The following MOBP variants were observed in gnomAD, a reference collection of about 807,000 sequenced individuals.
MOBP encodes the protein myelin-associated oligodendrocyte basic protein.
MOBP carries 5 observed loss-of-function variants against 15.0 expected under a neutral mutation model. The observed-to-expected ratio is 0.33, with a 90% CI of 0.17 to 0.70. The LOEUF (loss-of-function observed/expected upper bound fraction) is 0.70, where lower values mean the gene tolerates loss of function less well. Ranked by LOEUF, MOBP falls within the 30% of genes least tolerant of loss-of-function variation. MOBP has a pLI of 0.67. For missense variants in MOBP, 188 were observed against 257.8 expected (o/e 0.73, Z 1.85); for synonymous variants, 88 against 99.0 (o/e 0.89, Z 0.66).
At chr3:39,501,257 G>T (rs891763290) in intron 2 of MOBP, among the ~76,000 whole-genome samples, 1 of 152,204 alleles carries the variant, frequency 6.6e-6, no homozygotes, top group Non-Finnish European at 1.5e-5. Flanking sequence ...CCCTGAGTTT[G>T]TTGAGAGCAG....
intron 2 of MOBP, among the ~76,000 whole-genome samples, chr3:39,483,394 T>C (rs2042654603): frequency 6.6e-6 from 1 of 152,064 alleles, no homozygotes. Context: ...GGGAATAGGG[T>C]GGTCAGCAAT....
chr3:39,520,615 G>T (rs546330064), downstream of MOBP, among the ~76,000 whole-genome samples: 7 of 151,994 alleles, frequency 4.6e-5, no homozygotes, highest in Non-Finnish European at 7.4e-5. Context: ...AGAGAAGAGA[G>T]AGACAGAGGA....
At chr3:39,519,216 G>A (rs867176711), downstream of MOBP, among the ~76,000 whole-genome samples, 17 of 152,116 alleles carry the variant, frequency 1.1e-4, no homozygotes, top group African/African-American at 1.2e-4. Context: ...TTCACCCTGC[G>A]TTTCTTGAAT....
At position 39,469,203 on chromosome 3, in the gene MOBP, T is replaced by TAC. The variant is rs1470682667; in HGVS notation, c.-89+1465_-89+1466dup. Among the ~76,000 whole-genome samples the TAC allele has an allele frequency of 4.7e-4, 47 of 99,256 alleles. 6 individuals are homozygous for TAC. Among genetic ancestry groups the TAC allele is most frequent in the Non-Finnish European group, 8.1e-4 (41 of 50,540 alleles). 65.1% of individuals were successfully genotyped at this position (99,256 alleles called of 152,430 possible). A position where few individuals can be genotyped will look rare whatever the true frequency, so the allele number is the denominator to read the frequency against. On this transcript the variant is annotated intron_variant, in intron 1 of 3. Coordinates refer to ENST00000684792, the MANE Select transcript of MOBP (RefSeq NM_001393704.1). ...ATGTGTGTGTGTGTATATACATATA[T>TAC]ACATGTGTGTGTATATACATATATA...
intron 2 of MOBP, among the ~76,000 whole-genome samples, chr3:39,481,728 T>C (rs2042630568): frequency 6.6e-6 from 1 of 152,180 alleles, no homozygotes; most frequent in South Asian, 2.1e-4. Context: ...CAAATTCAAC[T>C]TCTGTTTCAA....
rs1413638406 is a variant in MOBP, at chr3:39,502,282, G to C, written c.206+7G>C. The stretch of plus-strand genomic sequence containing the variant: ...GCGCCTGCCAGAAGACCAGGTAAGC[G>C]GCCGCCCAGCCCCGCGGCACCAGTT... On this transcript the variant is annotated splice_region_variant and intron_variant, in intron 3 of 3. Transcript: ENST00000684792. This position sits in a 1 kb window ranked among gnomAD's most constrained non-coding sequence, Gnocchi z 6.3. 6.8e-6 allele frequency: 11 copies of C among 1,613,850 alleles called. No homozygotes were observed. The Admixed American group carries it at 1.8e-4, about 27-fold the overall frequency.
intron 1 of MOBP, among the ~76,000 whole-genome samples, chr3:39,468,144 C>G (rs1332631571): frequency 2.0e-5 from 3 of 150,372 alleles, no homozygotes; most frequent in Non-Finnish European, 4.4e-5. Flanking sequence ...AGTTTTTCTT[C>G]TTATCTAGGA....
At chr3:39,474,075 T>G (rs1215126434) in intron 1 of MOBP, among the ~76,000 whole-genome samples, 1 of 152,220 alleles carries the variant, frequency 6.6e-6, no homozygotes, top group African/African-American at 2.4e-5. Context: ...CTAAATATGT[T>G]TTTTAGCTCT....
At chr3:39,511,199 G>A (rs1018790427) in intron 4 of MOBP, among the ~76,000 whole-genome samples, 5 of 152,210 alleles carry the variant, frequency 3.3e-5, no homozygotes, top group Non-Finnish European at 1.5e-5. Flanking sequence ...TTACAAGGTG[G>A]ATTCAATTTC....
At chr3:39,473,782 A>G (rs1411722973) in intron 1 of MOBP, among the ~76,000 whole-genome samples, 2 of 152,230 alleles carry the variant, frequency 1.3e-5, no homozygotes, top group Non-Finnish European at 2.9e-5. Context: ...TTCCCACAGA[A>G]TATATGTATC....
intron 2 of MOBP, among the ~76,000 whole-genome samples, chr3:39,497,276 A>G (rs988053937): frequency 6.6e-6 from 1 of 152,214 alleles, no homozygotes; most frequent in Non-Finnish European, 1.5e-5. Context: ...GCGCTGGCAG[A>G]GAAGTCCTGG....
At chr3:39,499,061 G>C (rs967255526) in intron 2 of MOBP, among the ~76,000 whole-genome samples, 2 of 152,134 alleles carry the variant, frequency 1.3e-5, no homozygotes, top group African/African-American at 4.8e-5. Context: ...TGCCTGAGCC[G>C]TTTGGGAAAA....
downstream of MOBP, chr3:39,527,517 T>C (rs1170074611): frequency 1.3e-5 from 2 of 151,012 alleles, no homozygotes; most frequent in Non-Finnish European, 3.0e-5. Context: ...TCTCAGCTCA[T>C]TGCAACCTCG....
chr3:39,510,194 C>T (rs898479800), intron 4 of MOBP, among the ~76,000 whole-genome samples: 20 of 152,004 alleles, frequency 1.3e-4, no homozygotes, highest in African/African-American at 4.6e-4. Flanking sequence ...ATATATCTTT[C>T]CTTTCACCAA....
chr3:39,496,365 A>AT (rs1405626590), intron 2 of MOBP, among the ~76,000 whole-genome samples: 1 of 150,994 alleles, frequency 6.6e-6, no homozygotes. Context: ...CACCCAGCTA[A>AT]TTTTTTTGTA....
chr3:39,472,560 C>T (rs1408196817), intron 1 of MOBP, among the ~76,000 whole-genome samples: 1 of 152,172 alleles, frequency 6.6e-6, no homozygotes, highest in Non-Finnish European at 1.5e-5. Flanking sequence ...AAAGACTACT[C>T]GAAGGATATT....
intron 2 of MOBP, among the ~76,000 whole-genome samples, chr3:39,498,890 G>C (rs550804005): frequency 1.3e-5 from 2 of 152,286 alleles, no homozygotes; most frequent in East Asian, 3.9e-4. Context: ...GGCATACAGT[G>C]ACCCAGGCAT....
At chr3:39,515,403 A>T (rs2043188307) in exon 5 of MOBP, 2 of 152,156 alleles carry the variant, frequency 1.3e-5, no homozygotes, top group Non-Finnish European at 2.9e-5. Context: ...GAGTGAAAAG[A>T]TGCAGGCAAT....
At chr3:39,520,841 C>T (rs1355732), downstream of MOBP, among the ~76,000 whole-genome samples, 822 of 152,236 alleles carry the variant, frequency 5.4e-3, 11 homozygotes, top group African/African-American at 0.019. Flanking sequence ...TTTCTTCTCC[C>T]TTCTGACTTG....
Sources: gnomAD v4.1 joint callset for allele counts (sites outside exome capture counted in the v4.1 genomes callset) on GRCh38, gnomAD v4.1.1 for gene constraint, Gnocchi (gnomAD v3.1) non-coding constraint, MANE v1.5 for transcripts, NCBI Gene and HGNC (gene_info 2026-07-23, HGNC 2026-07-21) for gene names.